GINS3: variants seen among roughly 807,000 people sequenced by gnomAD.
The protein encoded by GINS3 is GINS complex subunit 3.
A neutral mutation model predicts 20.0 loss-of-function variants in GINS3; 18 were observed. That is an observed-to-expected ratio of 0.90 (90% CI 0.62 to 1.33). GINS3 has a LOEUF of 1.33. GINS3 is among the 40% of genes most tolerant of loss of function. The pLI, the probability that GINS3 is intolerant of heterozygous loss-of-function variation, is 0.00. For missense variants in GINS3, 254 were observed against 273.6 expected (o/e 0.93, Z 0.51); for synonymous variants, 109 against 107.0 (o/e 1.02, Z -0.12).
intron 1 of GINS3, among the ~76,000 whole-genome samples, chr16:58,394,225 CAATT>C (rs148544026): frequency 0.019 from 2,820 of 152,290 alleles, 79 homozygotes; most frequent in African/African-American, 0.065. Context: ...TTGGTTGTGA[CAATT>C]AATCAGACCT....
rs781394455 is a variant in GINS3, at chr16:58,404,659, C to T, written c.581C>T (p.Ala194Val). 1.2e-6 allele frequency: 2 copies of T among 1,614,176 alleles called. No homozygotes were observed. The highest frequency in any genetic ancestry group is 3.3e-5 in the Admixed American group (2 of 60,018). ...TTTCAGTGTTGGGAGAAGGGGCAGG[C>T]TTCTCAGATCACAGCTTCCAACCTC... ...NDFQCWEKGQ[A>V]SQITASNLVQ... The change falls in exon 3 of 3, where the codon GCT (alanine) becomes GTT (valine). Residue 194 changes from alanine to valine, a missense_variant. Transcript: ENST00000318129.
At chr16:58,398,275 A>G (rs1965911074) in intron 1 of GINS3, among the ~76,000 whole-genome samples, 1 of 152,170 alleles carries the variant, frequency 6.6e-6, no homozygotes, top group South Asian at 2.1e-4. Context: ...ATTGCGTTTC[A>G]TAAGTTTTGA....
At chr16:58,403,607 G>A (rs941421335) in intron 2 of GINS3, 6 of 413,402 alleles carry the variant, frequency 1.5e-5, no homozygotes, top group Non-Finnish European at 2.6e-5. Flanking sequence ...TGAGAAAAGG[G>A]TGATGATGGC....
chr16:58,403,115 A>G lies in GINS3; in HGVS notation c.204A>G (p.Leu68=), dbSNP rs1965979064. 6.2e-7 allele frequency: 1 copy of G among 1,614,014 alleles called. No homozygotes were observed. Among genetic ancestry groups the G allele is most frequent in the Non-Finnish European group, 8.5e-7 (1 of 1,179,930 alleles). ...TGCTGCAGGGTTCCAAGCTTGAACT[A>G]CCCTTGTGGCTGGCAAAAGGACTTT... is the stretch of plus-strand genomic sequence containing the variant. The part of the protein sequence containing the change: ...NAVPQGSKLE[L]PLWLAKGLFD... Residue 68 remains leucine, a synonymous_variant, in exon 2 of 3, where the codon CTA becomes CTG. Coordinates refer to ENST00000318129, the MANE Select transcript of GINS3 (RefSeq NM_022770.4).
intron 2 of GINS3, chr16:58,403,611 T>G (rs1965987067): frequency 2.5e-6 from 1 of 404,944 alleles, no homozygotes; most frequent in African/African-American, 2.0e-5. Context: ...AAAAGGGTGA[T>G]GATGGCCAGG....
chr16:58,396,421 C>T (rs1216859307), intron 1 of GINS3, among the ~76,000 whole-genome samples: 10 of 114,694 alleles, frequency 8.7e-5, no homozygotes, highest in South Asian at 3.1e-4. Flanking sequence ...CCGGACGGGG[C>T]GGCTGGCTGG....
At chr16:58,396,498 G>A (rs1346491682) in intron 1 of GINS3, among the ~76,000 whole-genome samples, 19 of 3,548 alleles carry the variant, frequency 5.4e-3, no homozygotes, top group South Asian at 0.017. Flanking sequence ...CCCGGACGGG[G>A]AGGCTGGCCG....
chr16:58,402,893 A>G, intron 1 of GINS3: 3 of 582,908 alleles, frequency 5.1e-6, no homozygotes, highest in East Asian at 2.8e-5. Flanking sequence ...GTATAAATCC[A>G]TTTTCTCTCT....
rs1241590853 is a variant in GINS3, at chr16:58,405,839, C to T, written c.*1110C>T. 1 of 152,180 alleles carries T rather than the reference C, an allele frequency of 6.6e-6. No individual in the cohort carries two copies. Among genetic ancestry groups the T allele is most frequent in the Non-Finnish European group, 1.5e-5 (1 of 68,038 alleles). 9.4% of individuals were successfully genotyped at this position (152,180 alleles called of 1,614,324 possible). A position where few individuals can be genotyped will look rare whatever the true frequency, so the allele number is the denominator to read the frequency against. On this transcript the variant is annotated 3_prime_UTR_variant, in exon 3 of 3. Coordinates refer to ENST00000318129, the MANE Select transcript of GINS3 (RefSeq NM_022770.4). ...GGGCATCACTGCTTCCCCCTGACAC[C>T]TCACAACTAGCAAAAATTGTCTTTG...
chr16:58,396,380 C>T (rs1468283789), intron 1 of GINS3, among the ~76,000 whole-genome samples: 6 of 118,890 alleles, frequency 5.0e-5, no homozygotes, highest in South Asian at 2.8e-4. Context: ...GGCGGCTGGC[C>T]GGGCAGGGGG....
intron 1 of GINS3, among the ~76,000 whole-genome samples, chr16:58,396,863 G>A (rs1441097520): frequency 6.7e-5 from 9 of 135,188 alleles, no homozygotes; most frequent in East Asian, 4.9e-4. Context: ...CTCACCTCCC[G>A]GACGGGGCGG....
intron 1 of GINS3, among the ~76,000 whole-genome samples, chr16:58,397,679 C>T (rs1318176081): frequency 1.6e-4 from 25 of 152,230 alleles, no homozygotes; most frequent in Non-Finnish European, 3.4e-4. Context: ...TGGCGGCGCG[C>T]GCCTGCAATC....
At chr16:58,400,959 C>T (rs989418880) in intron 1 of GINS3, among the ~76,000 whole-genome samples, 3 of 151,888 alleles carry the variant, frequency 2.0e-5, no homozygotes, top group African/African-American at 7.3e-5. Context: ...GGATTACAGG[C>T]GCCCACCACT....
intron 1 of GINS3, among the ~76,000 whole-genome samples, chr16:58,395,892 T>A (rs1244690829): frequency 1.3e-5 from 2 of 150,858 alleles, no homozygotes; most frequent in Non-Finnish European, 3.0e-5. Flanking sequence ...GGCTCCTCAC[T>A]TCCCAGTAGG....
At chr16:58,395,955 G>A (rs578075677) in intron 1 of GINS3, among the ~76,000 whole-genome samples, 2 of 148,082 alleles carry the variant, frequency 1.4e-5, no homozygotes, top group African/African-American at 2.5e-5. Context: ...CTGGCTGGGC[G>A]GGGGGCTGGC....
chr16:58,405,502 C>T lies in GINS3; in HGVS notation c.*773C>T, dbSNP rs1345375593. On this transcript the variant is annotated 3_prime_UTR_variant, in exon 3 of 3. Coordinates refer to ENST00000318129, the MANE Select transcript of GINS3 (RefSeq NM_022770.4). ...CTGTCTAGAAAAGCTGTCAGGGAGT[C>T]GTTTGGAATTGCAATGTAGTTATTA... The T allele has an allele frequency of 1.3e-5, 2 of 152,158 alleles. No individual in the cohort carries two copies. The highest frequency in any genetic ancestry group is 2.9e-5 in the Non-Finnish European group (2 of 68,028). The allele number at this position is 152,158 out of a possible 1,614,324, so 9.4% of individuals were successfully genotyped here.
chr16:58,403,494 T>TACAC (rs3833044), intron 2 of GINS3, 163 bp downstream of exon 2: 7,800 of 557,716 alleles, frequency 0.014, 125 homozygotes, highest in East Asian at 0.072. Flanking sequence ...TTTACATATA[T>TACAC]ACACACACAC....
intron 1 of GINS3, among the ~76,000 whole-genome samples, chr16:58,400,395 C>T (rs1965938875): frequency 6.6e-6 from 1 of 152,308 alleles, no homozygotes; most frequent in East Asian, 1.9e-4. Flanking sequence ...AAGACTCAGT[C>T]CCCAGGGTTT....
rs775808462 is a variant in GINS3 at position 58,404,718 on chromosome 16, A to G, written c.640A>G (p.Met214Val). The G allele has an allele frequency of 9.3e-6, 15 of 1,613,036 alleles. No homozygotes were observed. The highest frequency in any genetic ancestry group is 1.3e-5 in the Non-Finnish European group (15 of 1,179,246). Residue 214 changes from methionine (M) to valine (V), a missense_variant, in exon 3 of 3, where the codon ATG becomes GTG. Physicochemically the swap from Met to Val is conservative, Grantham distance 21 (BLOSUM62 1). Transcript: ENST00000318129. ...TTACAAGAAGAGAAAATTCACTGAT[A>G]TGGAAGACTGAAAGCCGGAAGAACA... ...QNYKKRKFTD[M>V]ED is the part of the protein sequence containing the mutation.
Sources: gnomAD v4.1 joint callset for allele counts (sites outside exome capture counted in the v4.1 genomes callset) on GRCh38, gnomAD v4.1.1 for gene constraint, MANE v1.5 for transcripts, NCBI Gene and HGNC (gene_info 2026-07-23, HGNC 2026-07-21) for gene names.